SDK1: variants seen among roughly 807,000 people sequenced by gnomAD.
SDK1 encodes the protein sidekick cell adhesion molecule 1.
Under a neutral mutation model 245.5 loss-of-function variants are expected in SDK1, and 157 were observed. The observed-to-expected ratio is 0.64, with a 90% CI of 0.56 to 0.73. The LOEUF (loss-of-function observed/expected upper bound fraction) is 0.73. Among genes scored for constraint, SDK1 ranks in the 30% least tolerant of loss-of-function variants. The pLI is 0.00. For missense variants in SDK1, 3,583 were observed against 3,002.3 expected (o/e 1.19, Z -4.52); for synonymous variants, 1,647 against 1,278.5 (o/e 1.29, Z -6.15).
rs10259908 is a variant in SDK1, at chr7:3,777,569, G to A, written c.714-43881G>A. Among the ~76,000 whole-genome samples, 845 of 152,294 alleles carry A rather than the reference G, an allele frequency of 5.5e-3. 10 individuals carry two copies. Among genetic ancestry groups the A allele is most frequent in the African/African-American group, 0.02 (811 of 41,544 alleles). On this transcript the variant is annotated intron_variant, in intron 4 of 44. Transcript: ENST00000404826. ...AGCATTCCTCCTGATGTGCCCAGCA[G>A]CAGGCTTCTAAAGGACCTGAGCCCC...
At chr7:4,099,294 T>A in intron 22 of SDK1, among the ~76,000 whole-genome samples, 1 of 150,452 alleles carries the variant, frequency 6.6e-6, no homozygotes, top group Non-Finnish European at 1.5e-5. Flanking sequence ...GGAAAGACAG[T>A]TTGTTGCTGA....
intron 1 of SDK1, among the ~76,000 whole-genome samples, chr7:3,587,809 G>A (rs535065216): frequency 6.6e-6 from 1 of 152,342 alleles, no homozygotes; most frequent in South Asian, 2.1e-4. Flanking sequence ...CTTTCCATGG[G>A]TAGACATCAG....
chr7:3,688,178 AC>A (rs1316621905), intron 4 of SDK1, among the ~76,000 whole-genome samples: 1 of 152,222 alleles, frequency 6.6e-6, no homozygotes, highest in Non-Finnish European at 1.5e-5. Flanking sequence ...TTGTATCATT[AC>A]TATTTCAAAA....
chr7:3,565,609 C>G (rs749770388), intron 1 of SDK1, among the ~76,000 whole-genome samples: 1 of 152,142 alleles, frequency 6.6e-6, no homozygotes, highest in Non-Finnish European at 1.5e-5. Context: ...CTCTTGGTAT[C>G]TGGAGGGGAG....
intron 1 of SDK1, among the ~76,000 whole-genome samples, chr7:3,356,082 T>C (rs1429965363): frequency 6.6e-6 from 1 of 152,240 alleles, no homozygotes; most frequent in Non-Finnish European, 1.5e-5. Context: ...CACAGCCTTG[T>C]AGCTTATGAA....
At chr7:4,231,045 G>T (rs1047590859) in intron 40 of SDK1, among the ~76,000 whole-genome samples, 1 of 152,102 alleles carries the variant, frequency 6.6e-6, no homozygotes, top group African/African-American at 2.4e-5. Context: ...TCCAGAGGAG[G>T]CCTGAACAGA....
chr7:4,208,590 G>A (rs996914128), intron 37 of SDK1, among the ~76,000 whole-genome samples: 32 of 152,174 alleles, frequency 2.1e-4, no homozygotes, highest in African/African-American at 6.8e-4. Flanking sequence ...GCAAGGCCTC[G>A]TTCATAACTG....
chr7:3,485,136 C>G (rs527318133), intron 1 of SDK1, among the ~76,000 whole-genome samples: 30 of 152,292 alleles, frequency 2.0e-4, no homozygotes, highest in Non-Finnish European at 3.8e-4. Flanking sequence ...TATGAACATT[C>G]TTTTTCTCTG....
At chr7:3,843,950 C>A (rs577251154) in intron 5 of SDK1, among the ~76,000 whole-genome samples, 3 of 152,108 alleles carry the variant, frequency 2.0e-5, no homozygotes, top group Non-Finnish European at 4.4e-5. Flanking sequence ...AAATTAATAT[C>A]CTACTACAAC....
At position 4,265,071 on chromosome 7, in the gene SDK1, TCCGGGCCCTGCG is replaced by T. The variant is rs1788372891; in HGVS notation, c.6382-50_6382-39del. Reference sequence around the variant, plus strand: ...CCGCCAGGCCTCCTGCCCAGCACGCTCCGGGCCCTGCGCCCTGCCCTGCACTCACACCTTCTC... The same window carrying T: ...CCGCCAGGCCTCCTGCCCAGCACGCTCCCTGCCCTGCACTCACACCTTCTC... On this transcript the variant is annotated intron_variant, in intron 44 of 44. Coordinates refer to ENST00000404826, the MANE Select transcript of SDK1 (RefSeq NM_152744.4). The T allele has an allele frequency of 1.7e-5, 26 of 1,508,528 alleles. No homozygotes were observed. In the East Asian group the frequency reaches 5.8e-4, roughly 34 times the overall value. 93.4% of individuals were successfully genotyped at this position (1,508,528 alleles called of 1,614,324 possible). A position where few individuals can be genotyped will look rare whatever the true frequency, so the allele number is the denominator to read the frequency against.
At chr7:3,695,199 C>T (rs1204710813) in intron 4 of SDK1, among the ~76,000 whole-genome samples, 1 of 152,132 alleles carries the variant, frequency 6.6e-6, no homozygotes, top group African/African-American at 2.4e-5. Context: ...ACACTAGGCG[C>T]CTCACACAGC....
At chr7:3,761,099 T>C (rs954156777) in intron 4 of SDK1, among the ~76,000 whole-genome samples, 1 of 152,202 alleles carries the variant, frequency 6.6e-6, no homozygotes, top group South Asian at 2.1e-4. Context: ...AATTTTTATG[T>C]AAAGATTTGT....
At chr7:4,093,315 C>T (rs960477045) in intron 22 of SDK1, among the ~76,000 whole-genome samples, 7 of 152,224 alleles carry the variant, frequency 4.6e-5, no homozygotes, top group African/African-American at 1.2e-4. Flanking sequence ...CCCTGCCATT[C>T]GCAGCCATTT....
chr7:4,204,127 G>A (rs1162488261), intron 35 of SDK1, among the ~76,000 whole-genome samples: 4 of 152,246 alleles, frequency 2.6e-5, no homozygotes, highest in Non-Finnish European at 4.4e-5. Flanking sequence ...ATGTCTCACC[G>A]ACTACCAGGG....
intron 42 of SDK1, 65 bp downstream of exon 42, chr7:4,237,849 C>G: frequency 5.1e-6 from 8 of 1,579,594 alleles, no homozygotes; most frequent in East Asian, 2.2e-5. Flanking sequence ...AGCGTTCGTT[C>G]TCTCGTGGAT....
At chr7:4,116,637 A>G (rs190162056) in intron 25 of SDK1, among the ~76,000 whole-genome samples, 2 of 152,192 alleles carry the variant, frequency 1.3e-5, no homozygotes, top group African/African-American at 4.8e-5. Context: ...CACCAGCACC[A>G]AGCCAAAGCT....
chr7:3,342,548 G>A (rs1334500622), intron 1 of SDK1, among the ~76,000 whole-genome samples: 4 of 151,682 alleles, frequency 2.6e-5, no homozygotes, highest in Admixed American at 6.6e-5. Flanking sequence ...AGATCGCATC[G>A]TTGCACTCCA....
intron 35 of SDK1, among the ~76,000 whole-genome samples, chr7:4,203,278 G>A (rs2128226346): frequency 6.6e-6 from 1 of 152,304 alleles, no homozygotes; most frequent in East Asian, 1.9e-4. Context: ...CTGAAAGCTT[G>A]TCTCTCATTG....
chr7:3,650,509 T>A (rs969055136), intron 4 of SDK1, among the ~76,000 whole-genome samples: 1 of 152,202 alleles, frequency 6.6e-6, no homozygotes, highest in Non-Finnish European at 1.5e-5. Context: ...TAATTGTAGG[T>A]TCACATACAG....
Sources: gnomAD v4.1 joint callset for allele counts (sites outside exome capture counted in the v4.1 genomes callset) on GRCh38, gnomAD v4.1.1 for gene constraint, MANE v1.5 for transcripts, NCBI Gene and HGNC (gene_info 2026-07-23, HGNC 2026-07-21) for gene names.